The following PLIN2 variants were observed in gnomAD, a reference collection of about 807,000 sequenced individuals.
PLIN2 encodes the protein perilipin-2.
Under a neutral mutation model 30.6 loss-of-function variants are expected in PLIN2, and 33 were observed. The observed-to-expected ratio is 1.08, with a 90% confidence interval of 0.82 to 1.44. PLIN2 has a LOEUF of 1.44. Ranked by LOEUF, PLIN2 falls within the 40% of genes most tolerant of loss-of-function variation. The probability of loss-of-function intolerance (pLI) is 0.00; values close to 1 mark genes in which losing one functional copy is unlikely to be tolerated. For missense variants in PLIN2, 610 were observed against 531.8 expected (o/e 1.15, Z -1.45); for synonymous variants, 205 against 201.1 (o/e 1.02, Z -0.16).
intron 5 of PLIN2, among the ~76,000 whole-genome samples, chr9:19,120,183 C>T (rs1295196548): frequency 1.3e-5 from 2 of 151,956 alleles, no homozygotes; most frequent in African/African-American, 4.8e-5. Context: ...CTCAGCCTCC[C>T]GAGTAGCTAG....
At chr9:19,113,949 A>T (rs762080315), downstream of PLIN2, among the ~76,000 whole-genome samples, 4 of 151,764 alleles carry the variant, frequency 2.6e-5, no homozygotes, top group Non-Finnish European at 5.9e-5. Context: ...TAATTTTTGT[A>T]TTTTTAGTAG....
At chr9:19,125,902 G>C in intron 3 of PLIN2, 1 of 468,308 alleles carries the variant, frequency 2.1e-6, no homozygotes, top group Non-Finnish European at 3.8e-6. Flanking sequence ...CAGCCTGAGT[G>C]ATAGAGTGAG....
chr9:19,111,790 C>A (rs1227543566), downstream of PLIN2, among the ~76,000 whole-genome samples: 1 of 152,002 alleles, frequency 6.6e-6, no homozygotes, highest in Non-Finnish European at 1.5e-5. Flanking sequence ...TTCCTTTTCA[C>A]TTCATTAGTT....
intron 7 of PLIN2, among the ~76,000 whole-genome samples, chr9:19,117,373 G>C (rs1167385488): frequency 6.6e-6 from 1 of 152,040 alleles, no homozygotes; most frequent in African/African-American, 2.4e-5. Flanking sequence ...TGCCCAGGCT[G>C]GTCCTGAATT....
At chr9:19,120,155 C>T (rs1818292261) in intron 5 of PLIN2, among the ~76,000 whole-genome samples, 1 of 151,886 alleles carries the variant, frequency 6.6e-6, no homozygotes, top group South Asian at 2.1e-4. Flanking sequence ...ACCTCCCGAG[C>T]TCAACTGATC....
At chr9:19,120,358 A>G (rs1818295231) in intron 5 of PLIN2, among the ~76,000 whole-genome samples, 1 of 152,164 alleles carries the variant, frequency 6.6e-6, no homozygotes, top group African/African-American at 2.4e-5. Flanking sequence ...CCCAGCCTAG[A>G]GTGAACTTGA....
chr9:19,126,592 T>A (rs1818404511), intron 1 of PLIN2, 144 bp from the exon 2 acceptor site: 2 of 618,282 alleles, frequency 3.2e-6, no homozygotes, highest in Non-Finnish European at 5.7e-6. Context: ...TCTCTCCAGC[T>A]CTCCAGGTCC....
intron 3 of PLIN2, among the ~76,000 whole-genome samples, chr9:19,124,337 T>A (rs1490969709): frequency 1.3e-5 from 2 of 152,124 alleles, no homozygotes; most frequent in Non-Finnish European, 2.9e-5. Context: ...AATCCCTACC[T>A]ACGCTTACTT....
At chr9:19,117,175 T>G (rs751502552) in intron 7 of PLIN2, among the ~76,000 whole-genome samples, 1 of 152,128 alleles carries the variant, frequency 6.6e-6, no homozygotes, top group Non-Finnish European at 1.5e-5. Flanking sequence ...CTTTCTTTCT[T>G]TCTGAGACAG....
chr9:19,116,131 G>T lies in PLIN2; in HGVS notation c.*117C>A. ...AATTCAGCTGGAAACAACTACAATT[G>T]AGGGCCTTTATACTAGCTACTTGCT... On this transcript the variant is annotated 3_prime_UTR_variant, in exon 8 of 8. Transcript: ENST00000276914. 1.1e-6 allele frequency: 1 copy of T among 897,358 alleles called. No individual in the cohort carries two copies. Among genetic ancestry groups the T allele is most frequent in the Non-Finnish European group, 1.7e-6 (1 of 603,600 alleles). 55.6% of individuals were successfully genotyped at this position (897,358 alleles called of 1,614,324 possible).
Position 19,117,971 on chromosome 9 carries a change from G to A in PLIN2, c.912+350C>T, listed in dbSNP as rs569240535. On this transcript the variant is annotated intron_variant, in intron 7 of 7. Coordinates refer to ENST00000276914, the MANE Select transcript of PLIN2 (RefSeq NM_001122.4). ...ACAACCGGACTTGGCTACTCTGAGTGTACTGCCTATGAGATAGCCCTCTTC... is the reference window on the plus strand; with the variant it reads ...ACAACCGGACTTGGCTACTCTGAGTATACTGCCTATGAGATAGCCCTCTTC... 5.3e-5 allele frequency among the ~76,000 whole-genome samples: 8 copies of A among 152,312 alleles called. 1 individual carries two copies. The South Asian group carries it at 1.0e-3, about 20-fold the overall frequency.
chr9:19,116,396 AT>A lies in PLIN2; in HGVS notation c.1165del (p.Met389TrpfsTer14), dbSNP rs1818222743. 6.2e-7 allele frequency: 1 copy of A among 1,614,214 alleles called. No individual in the cohort carries two copies. Among genetic ancestry groups the A allele is most frequent in the Non-Finnish European group, 8.5e-7 (1 of 1,180,040 alleles). The part of the protein sequence containing the change: ...QKMKESLDDV[M>X]DYLVNNTPLN... The stretch of plus-strand genomic sequence containing the variant: ...GGGCGTGTTGTTAACAAGATAATCC[AT>A]CACGTCATCTAAAGATTCCTTCATT... On this transcript the variant is annotated frameshift_variant, in exon 8 of 8. Transcript: ENST00000276914. LOFTEE classifies it low-confidence loss of function (END_TRUNC).
Position 19,119,695 on chromosome 9 carries a change from T to C in PLIN2, c.732A>G (p.Gln244=). ...QALSRVKEAK[Q]KSQQTISQLH... is the part of the protein sequence containing the mutation. ...GCTGAGAAATGGTCTGTTGGCTTTT[T>C]TGCTTAGCTTCTTTAACCCTGCTGA... Residue 244 remains glutamine, a synonymous_variant, in exon 6 of 8, where the codon CAA becomes CAG. Transcript: ENST00000276914. 6.2e-7 allele frequency: 1 copy of C among 1,608,858 alleles called. No homozygotes were observed.
intron 5 of PLIN2, 137 bp downstream of exon 5, chr9:19,120,743 A>C: frequency 1.5e-6 from 1 of 667,318 alleles, no homozygotes; most frequent in South Asian, 1.8e-5. Flanking sequence ...TTGGGGTAGC[A>C]GAAGTGTTCT....
rs562350022 is a variant in PLIN2 at position 19,118,504 on chromosome 9, G to A, written c.778-49C>T. On this transcript the variant is annotated intron_variant, in intron 6 of 7. Coordinates refer to ENST00000276914, the MANE Select transcript of PLIN2 (RefSeq NM_001122.4). ...AGGAACACACAAGTCAGATATTCAC[G>A]TTAGCCTGTTTGCAGATGTATGATG... is the stretch of plus-strand genomic sequence containing the variant. 1.3e-5 allele frequency: 20 copies of A among 1,561,362 alleles called. 1 individual carries two copies. The highest frequency in any genetic ancestry group is 3.4e-4 in the Middle Eastern group (2 of 5,920).
At chr9:19,125,711 A>G (rs911743744) in intron 3 of PLIN2, 4 of 160,424 alleles carry the variant, frequency 2.5e-5, no homozygotes, top group Non-Finnish European at 5.5e-5. Flanking sequence ...TGGGTGGATC[A>G]CAAAGTCAGG....
intron 7 of PLIN2, among the ~76,000 whole-genome samples, chr9:19,118,032 C>G (rs1818257474): frequency 6.6e-6 from 1 of 152,196 alleles, no homozygotes; most frequent in Non-Finnish European, 1.5e-5. Flanking sequence ...AATAGGACAG[C>G]ATGGCTGGCT....
At chr9:19,125,937 AGG>A (rs1818389518) in intron 3 of PLIN2, 175 bp downstream of exon 3, 2 of 543,254 alleles carry the variant, frequency 3.7e-6, no homozygotes, top group Non-Finnish European at 6.5e-6. Flanking sequence ...AAAAAAAAAA[AGG>A]AAAGAAAAGA....
At chr9:19,117,647 T>C (rs1267921828) in intron 7 of PLIN2, among the ~76,000 whole-genome samples, 1 of 151,806 alleles carries the variant, frequency 6.6e-6, no homozygotes, top group African/African-American at 2.4e-5. Flanking sequence ...AGACAGAGTC[T>C]TACTCTGTTG....
Sources: gnomAD v4.1 joint callset for allele counts (sites outside exome capture counted in the v4.1 genomes callset) on GRCh38, gnomAD v4.1.1 for gene constraint, MANE v1.5 for transcripts, NCBI Gene and HGNC (gene_info 2026-07-23, HGNC 2026-07-21) for gene names.